GALNTL6: variants seen among roughly 807,000 people sequenced by gnomAD.
The protein encoded by GALNTL6 is polypeptide N-acetylgalactosaminyltransferase-like 6.
GALNTL6 carries 46 observed loss-of-function variants against 73.7 expected under a neutral mutation model. The ratio of observed to expected loss-of-function variants is 0.62; its 90% confidence interval spans 0.49 to 0.80. The LOEUF is 0.80. Among genes scored for constraint, GALNTL6 ranks in the 30% least tolerant of loss-of-function variants. The pLI is 0.00. For missense variants in GALNTL6, 604 were observed against 755.0 expected (o/e 0.80, Z 2.34); for synonymous variants, 259 against 263.7 (o/e 0.98, Z 0.17).
Position 172,952,120 on chromosome 4 carries a change from C to G in GALNTL6, c.1233C>G (p.Ser411=). The G allele has an allele frequency of 6.2e-7, 1 of 1,614,080 alleles. No individual in the cohort carries two copies. The highest frequency in any genetic ancestry group is 8.5e-7 in the Non-Finnish European group (1 of 1,179,982). ...GGCGGCCGGAGTACAGGCATCTCTC[C>G]ACGGGGGACATCTCTGCCCAGAAGG... ...YQRRPEYRHL[S]TGDISAQKEL... is the part of the protein sequence containing the mutation. The change falls in exon 10 of 13, where the codon TCC becomes TCG. Residue 411 remains serine (S), a synonymous_variant. Transcript: ENST00000506823.
chr4:172,424,641 G>A (rs1731163745), intron 5 of GALNTL6, among the ~76,000 whole-genome samples: 1 of 152,146 alleles, frequency 6.6e-6, no homozygotes, highest in Admixed American at 6.6e-5. Flanking sequence ...CATGGACCAG[G>A]AGGATAGAGA....
At chr4:172,790,072 A>T (rs907914806) in intron 5 of GALNTL6, among the ~76,000 whole-genome samples, 3 of 152,266 alleles carry the variant, frequency 2.0e-5, no homozygotes, top group African/African-American at 4.8e-5. Flanking sequence ...CTATGAGTCA[A>T]AAGCTTCAAT....
At chr4:172,465,089 C>G (rs1000321651) in intron 5 of GALNTL6, among the ~76,000 whole-genome samples, 1 of 152,146 alleles carries the variant, frequency 6.6e-6, no homozygotes, top group Non-Finnish European at 1.5e-5. Flanking sequence ...TCTTTGACAT[C>G]TTTTACTTTG....
At position 172,034,592 on chromosome 4, in the gene GALNTL6, A is replaced by G. The variant is rs186594199; in HGVS notation, c.139-195064A>G. Among the ~76,000 whole-genome samples the G allele has an allele frequency of 8.8e-4, 134 of 152,276 alleles. 1 individual carries two copies. The highest frequency in any genetic ancestry group is 4.0e-4 in the Non-Finnish European group (27 of 68,008). On this transcript the variant is annotated intron_variant, in intron 2 of 12. Coordinates refer to ENST00000506823, the MANE Select transcript of GALNTL6 (RefSeq NM_001034845.3). ...CACACTTAGTCATCTTACATTTGCCAAAGTAATATGAGTACACAAACTCAT... is the reference window on the plus strand; with the variant it reads ...CACACTTAGTCATCTTACATTTGCCGAAGTAATATGAGTACACAAACTCAT...
intron 10 of GALNTL6, among the ~76,000 whole-genome samples, chr4:172,972,505 C>T (rs1022764742): frequency 1.3e-5 from 2 of 152,204 alleles, no homozygotes; most frequent in African/African-American, 4.8e-5. Context: ...AAAATAGCCA[C>T]ATTCTAGCTT....
rs1341314610 is a variant in GALNTL6, at chr4:172,573,272, C to A, written c.553+224583C>A. On this transcript the variant is annotated intron_variant, in intron 5 of 12. Transcript: ENST00000506823. The stretch of plus-strand genomic sequence containing the variant: ...TGTTGACAATGTACTGGTGAAATAA[C>A]CATGAAATAGCCATGTTCTAATTGT... Among the ~76,000 whole-genome samples the A allele has an allele frequency of 6.6e-5, 10 of 152,090 alleles. No individual in the cohort carries two copies. The East Asian group carries it at 1.9e-3, about 29-fold the overall frequency.
rs184543686 is a variant in GALNTL6, at chr4:172,012,153, C to T, written c.138+197435C>T. ...GGCCATAAAGGCTACTGCTCTCTGA[C>T]ATCCCCCAAAGCCCACCGTAGGGAC... On this transcript the variant is annotated intron_variant, in intron 2 of 12. Transcript: ENST00000506823. Among the ~76,000 whole-genome samples, 12 of 152,200 alleles carry T rather than the reference C, an allele frequency of 7.9e-5. No homozygotes were observed. In the East Asian group the frequency reaches 2.1e-3, roughly 27 times the overall value.
At chr4:172,575,792 C>T (rs1219264014) in intron 5 of GALNTL6, among the ~76,000 whole-genome samples, 1 of 152,132 alleles carries the variant, frequency 6.6e-6, no homozygotes, top group East Asian at 1.9e-4. Context: ...GCCAGCTTAC[C>T]TCTTAAAGAG....
At chr4:172,885,915 T>A (rs1449597457) in intron 8 of GALNTL6, among the ~76,000 whole-genome samples, 1 of 152,168 alleles carries the variant, frequency 6.6e-6, no homozygotes, top group South Asian at 2.1e-4. Context: ...CCCACTTGAT[T>A]ATGGTGAATG....
intron 2 of GALNTL6, among the ~76,000 whole-genome samples, chr4:172,101,001 C>T (rs567644398): frequency 6.6e-6 from 1 of 152,236 alleles, no homozygotes; most frequent in Non-Finnish European, 1.5e-5. Flanking sequence ...CTAAAAACAG[C>T]TAATTCAGCA....
At chr4:172,567,700 G>A (rs1260287116) in intron 5 of GALNTL6, among the ~76,000 whole-genome samples, 1 of 152,080 alleles carries the variant, frequency 6.6e-6, no homozygotes, top group Non-Finnish European at 1.5e-5. Flanking sequence ...ACTGGGCATG[G>A]TAGCAGGTGC....
intron 5 of GALNTL6, among the ~76,000 whole-genome samples, chr4:172,702,922 A>G (rs1734111391): frequency 6.6e-6 from 1 of 151,920 alleles, no homozygotes; most frequent in Non-Finnish European, 1.5e-5. Context: ...TTCTATGGTT[A>G]AGCATTTTGC....
Position 172,281,257 on chromosome 4 carries a change from T to C in GALNTL6, c.248-30357T>C, listed in dbSNP as rs531665907. Reference sequence around the variant, plus strand: ...AATGGATCAGCAGCGCTGCATTTCATCTGAAGGCTCTAGAGGAAAATGTAT... The same window carrying C: ...AATGGATCAGCAGCGCTGCATTTCACCTGAAGGCTCTAGAGGAAAATGTAT... On this transcript the variant is annotated intron_variant, in intron 3 of 12. Coordinates refer to ENST00000506823, the MANE Select transcript of GALNTL6 (RefSeq NM_001034845.3). 2.3e-4 allele frequency among the ~76,000 whole-genome samples: 35 copies of C among 152,332 alleles called. No homozygotes were observed. The South Asian group carries it at 7.0e-3, about 31-fold the overall frequency.
intron 2 of GALNTL6, among the ~76,000 whole-genome samples, chr4:172,198,471 A>G (rs1246424142): frequency 6.6e-6 from 1 of 152,178 alleles, no homozygotes; most frequent in East Asian, 1.9e-4. Flanking sequence ...AAACTTCTCA[A>G]AAGAAGACAT....
intron 5 of GALNTL6, among the ~76,000 whole-genome samples, chr4:172,371,904 A>G (rs1742827322): frequency 6.6e-6 from 1 of 152,136 alleles, no homozygotes; most frequent in Non-Finnish European, 1.5e-5. Flanking sequence ...GTGGTATTTA[A>G]TGGGGGTTCC....
chr4:172,427,110 CAA>C (rs1731260229), intron 5 of GALNTL6, among the ~76,000 whole-genome samples: 1 of 151,878 alleles, frequency 6.6e-6, no homozygotes, highest in African/African-American at 2.4e-5. Context: ...TCATAAAATG[CAA>C]AGTTTTATAA....
chr4:172,060,450 T>C (rs1376427399), intron 2 of GALNTL6, among the ~76,000 whole-genome samples: 2 of 152,216 alleles, frequency 1.3e-5, no homozygotes, highest in Non-Finnish European at 2.9e-5. Context: ...CTCCTGTTTC[T>C]CTATTTTTAC....
At chr4:172,964,652 T>G (rs1750243096) in intron 10 of GALNTL6, among the ~76,000 whole-genome samples, 1 of 152,226 alleles carries the variant, frequency 6.6e-6, no homozygotes, top group South Asian at 2.1e-4. Context: ...TAACTTCTTT[T>G]CACCTGCTTG....
intron 2 of GALNTL6, among the ~76,000 whole-genome samples, chr4:172,215,708 ATATT>A (rs765081585): frequency 2.0e-5 from 3 of 152,128 alleles, no homozygotes; most frequent in Non-Finnish European, 2.9e-5. Flanking sequence ...AAGACCATTC[ATATT>A]TAAAGTGCTA....
Sources: allele counts gnomAD v4.1 joint callset (sites outside exome capture counted in the v4.1 genomes callset), GRCh38; gene constraint gnomAD v4.1.1; transcripts MANE v1.5; gene names NCBI Gene and HGNC (gene_info 2026-07-23, HGNC 2026-07-21).